Variants in PDCD4 observed in about 807,000 individuals in gnomAD.
The protein encoded by PDCD4 is programmed cell death 4.
A neutral mutation model predicts 54.0 loss-of-function variants in PDCD4; 56 were observed. The ratio of observed to expected loss-of-function variants is 1.04; its 90% confidence interval spans 0.84 to 1.30. PDCD4 has a LOEUF of 1.30. Among genes scored for constraint, PDCD4 ranks in the 50% most tolerant of loss-of-function variants. The pLI is 0.00. For synonymous variants in PDCD4, 186 were observed against 194.8 expected (o/e 0.95, Z 0.37); for missense variants, 584 against 559.8 (o/e 1.04, Z -0.44).
chr10:110,889,115 G>A (rs1392772106), intron 6 of PDCD4, among the ~76,000 whole-genome samples: 2 of 151,438 alleles, frequency 1.3e-5, no homozygotes, highest in African/African-American at 2.4e-5. Context: ...CCAGCCACTC[G>A]GGAGGCTGAG....
At chr10:110,876,118 A>C (rs550323803) in intron 2 of PDCD4, 48 bp downstream of exon 2, 2 of 1,486,084 alleles carry the variant, frequency 1.3e-6, no homozygotes, top group African/African-American at 2.8e-5. Context: ...TTGAGACAGG[A>C]TCTTGCTCTG....
At chr10:110,885,484 A>G (rs536549496) in intron 5 of PDCD4, 118 bp downstream of exon 5, 31 of 500,014 alleles carry the variant, frequency 6.2e-5, no homozygotes, top group African/African-American at 5.0e-4. Flanking sequence ...TTTCTTTTGC[A>G]TAAGTGAATT....
rs781758431 is a variant in PDCD4, at chr10:110,894,068, A to G, written c.991-23A>G. The G allele has an allele frequency of 1.6e-5, 22 of 1,390,840 alleles. No homozygotes were observed. The Admixed American group carries it at 2.6e-4, about 16-fold the overall frequency. 86.2% of individuals were successfully genotyped at this position (1,390,840 alleles called of 1,614,324 possible). A position where few individuals can be genotyped will look rare whatever the true frequency, so the allele number is the denominator to read the frequency against. On this transcript the variant is annotated intron_variant, in intron 8 of 11. Coordinates refer to ENST00000280154, the MANE Select transcript of PDCD4 (RefSeq NM_014456.5). Reference sequence around the variant, plus strand: ...TTTTAAAAGTTAGGAATTCTGACACATCTCAACTTTTAAATCTAATAGATT... The same window carrying G: ...TTTTAAAAGTTAGGAATTCTGACACGTCTCAACTTTTAAATCTAATAGATT...
intron 8 of PDCD4, 187 bp downstream of exon 8, chr10:110,890,857 A>G (rs944878643): frequency 1.3e-5 from 5 of 386,918 alleles, no homozygotes; most frequent in Non-Finnish European, 2.3e-5. Context: ...TGATTAAAAA[A>G]TGAGTCTGTT....
intron 1 of PDCD4, among the ~76,000 whole-genome samples, chr10:110,872,684 C>G (rs1045160614): frequency 6.6e-6 from 1 of 152,228 alleles, no homozygotes; most frequent in South Asian, 2.1e-4. Context: ...CCCGCCGCCC[C>G]ATCCCTGCGC....
intron 6 of PDCD4, among the ~76,000 whole-genome samples, chr10:110,889,075 C>T (rs997757627): frequency 1.9e-4 from 29 of 151,900 alleles, no homozygotes; most frequent in African/African-American, 7.0e-4. Context: ...ACTAGAAATA[C>T]AAAAATTAGC....
At chr10:110,876,749 C>T in intron 2 of PDCD4, 1 of 1,152,908 alleles carries the variant, frequency 8.7e-7, no homozygotes, top group African/African-American at 1.6e-5. Context: ...AATAGATGAC[C>T]AAATGTGAGT....
chr10:110,878,567 C>T (rs1028388902), intron 2 of PDCD4, among the ~76,000 whole-genome samples: 1 of 152,160 alleles, frequency 6.6e-6, no homozygotes, highest in African/African-American at 2.4e-5. Context: ...CTTTCTGTCC[C>T]CTTCCACTTA....
intron 2 of PDCD4, chr10:110,876,758 GT>G: frequency 9.3e-7 from 1 of 1,073,058 alleles, no homozygotes; most frequent in Non-Finnish European, 1.3e-6. Context: ...CCAAATGTGA[GT>G]AACTCAAGAT....
chr10:110,877,983 A>G (rs1468652566), intron 2 of PDCD4, among the ~76,000 whole-genome samples: 1 of 152,220 alleles, frequency 6.6e-6, no homozygotes, highest in Non-Finnish European at 1.5e-5. Context: ...CACTCATTGG[A>G]CACCAGTAAT....
At chr10:110,881,832 T>A (rs1168202830) in intron 3 of PDCD4, among the ~76,000 whole-genome samples, 3 of 152,248 alleles carry the variant, frequency 2.0e-5, no homozygotes, top group Non-Finnish European at 4.4e-5. Context: ...TTACGTATAT[T>A]CTCTAAGTTT....
chr10:110,882,939 AT>A, intron 3 of PDCD4, 63 bp from the exon 4 acceptor site: 1 of 1,015,110 alleles, frequency 9.9e-7, no homozygotes, highest in Non-Finnish European at 1.5e-6. Flanking sequence ...GGAACATTTT[AT>A]TTTAGATTTC....
rs1418218096 is a variant in PDCD4, at chr10:110,881,159, A to G, written c.44-74A>G. 2.7e-6 allele frequency: 3 copies of G among 1,115,808 alleles called. No homozygotes were observed. The East Asian group carries it at 7.1e-5, about 26-fold the overall frequency. 69.1% of individuals were successfully genotyped at this position (1,115,808 alleles called of 1,614,324 possible). On this transcript the variant is annotated intron_variant, in intron 2 of 11. Transcript: ENST00000280154. The stretch of plus-strand genomic sequence containing the variant: ...AATGTCATGTGATTCAACCTAATCT[A>G]ACTTACCACTATATCTATAAAACAG...
intron 10 of PDCD4, 108 bp from the exon 11 acceptor site, chr10:110,895,839 AT>A: frequency 1.3e-6 from 1 of 750,734 alleles, no homozygotes. Flanking sequence ...CAGTTTAACC[AT>A]TTGAATATTT....
chr10:110,898,845 T>A lies in PDCD4; in HGVS notation c.*757T>A, dbSNP rs1214233230. Reference sequence around the variant, plus strand: ...GCATATTTGAACCTAGTCAATTTAATCTTAGTGTTCCCTTGAAAACTTTTT... The same window carrying A: ...GCATATTTGAACCTAGTCAATTTAAACTTAGTGTTCCCTTGAAAACTTTTT... On this transcript the variant is annotated 3_prime_UTR_variant, in exon 12 of 12. Transcript: ENST00000280154. 3 of 152,590 alleles carry A rather than the reference T, an allele frequency of 2.0e-5. No homozygotes were observed. Among genetic ancestry groups the A allele is most frequent in the Non-Finnish European group, 4.4e-5 (3 of 68,032 alleles). 9.5% of individuals were successfully genotyped at this position (152,590 alleles called of 1,614,324 possible).
rs1441299858 is a variant in PDCD4, at chr10:110,872,016, G to A, written c.-65G>A. 5 of 152,826 alleles carry A rather than the reference G, an allele frequency of 3.3e-5. No individual in the cohort carries two copies. Among genetic ancestry groups the A allele is most frequent in the African/African-American group, 7.2e-5 (3 of 41,588 alleles). The allele number at this position is 152,826 out of a possible 1,614,324, so 9.5% of individuals were successfully genotyped here. ...TGGGCGAGCAGCGGCGGGGGCCCGA[G>A]GGGTCAGTACCAGTAGGCGCGGCTC... On this transcript the variant is annotated splice_region_variant and 5_prime_UTR_variant, in exon 1 of 12. Coordinates refer to ENST00000280154, the MANE Select transcript of PDCD4 (RefSeq NM_014456.5).
At position 110,899,139 on chromosome 10, in the gene PDCD4, T is replaced by G. The variant is rs1845907705; in HGVS notation, c.*1051T>G. On this transcript the variant is annotated 3_prime_UTR_variant, in exon 12 of 12. Coordinates refer to ENST00000280154, the MANE Select transcript of PDCD4 (RefSeq NM_014456.5). ...ACCAATTAACAATAAAGAATGATCA[T>G]ATTTTTAACCTCTTTTACATAGCCT... The G allele has an allele frequency of 6.6e-6, 1 of 152,220 alleles. No homozygotes were observed. Among genetic ancestry groups the G allele is most frequent in the Non-Finnish European group, 1.5e-5 (1 of 68,024 alleles). 9.4% of individuals were successfully genotyped at this position (152,220 alleles called of 1,614,324 possible). A position where few individuals can be genotyped will look rare whatever the true frequency, so the allele number is the denominator to read the frequency against.
rs375174668 is a variant in PDCD4, at chr10:110,897,434, T to A, written c.1350-594T>A. On this transcript the variant is annotated intron_variant, in intron 11 of 11. Transcript: ENST00000280154. ...TTACTGCTTTAGGCCACTGGCCAGC[T>A]GTTCCTTCTGGGCTATTGCCACTAC... 3.2e-3 allele frequency among the ~76,000 whole-genome samples: 485 copies of A among 152,368 alleles called. 26 individuals are homozygous for A. The South Asian group carries it at 0.093, about 29-fold the overall frequency.
At chr10:110,895,882 G>A (rs1317453359) in intron 10 of PDCD4, 66 bp from the exon 11 acceptor site, 1 of 1,211,234 alleles carries the variant, frequency 8.3e-7, no homozygotes, top group African/African-American at 1.6e-5. Context: ...ACATAGTGAT[G>A]GATTGTGTTT....
Sources: allele counts gnomAD v4.1 joint callset (sites outside exome capture counted in the v4.1 genomes callset), GRCh38; gene constraint gnomAD v4.1.1; transcripts MANE v1.5; gene names NCBI Gene and HGNC (gene_info 2026-07-23, HGNC 2026-07-21).